Variants in FGF11 observed in about 807,000 individuals in gnomAD.
The protein encoded by FGF11 is fibroblast growth factor 11, also known as fibroblast growth factor homologous factor 3.
In FGF11, 25 loss-of-function variants were observed where a neutral mutation model predicts 25.1. That is an observed-to-expected ratio of 1.00 (90% CI 0.73 to 1.39). The LOEUF is 1.39. FGF11 is among the 40% of genes most tolerant of loss of function. The pLI is 0.00. For synonymous variants in FGF11, 130 were observed against 128.9 expected (o/e 1.01, Z -0.06); for missense variants, 320 against 311.0 (o/e 1.03, Z -0.22).
intron 3 of FGF11, 96 bp from the exon 4 acceptor site, chr17:7,442,498 A>G (rs1346339968): frequency 1.8e-6 from 2 of 1,137,754 alleles, no homozygotes; most frequent in African/African-American, 3.5e-5. Flanking sequence ...CCTCCCCCAA[A>G]AAGGATTTGT....
At chr17:7,441,114 C>T (rs1908303732) in intron 1 of FGF11, 1 of 312,190 alleles carries the variant, frequency 3.2e-6, no homozygotes, top group Admixed American at 4.6e-5. Context: ...CACGCTGCCC[C>T]TTCAGTACCC....
rs925000395 is a variant in FGF11, at chr17:7,440,090, C to T, written c.193+277C>T. 1.7e-5 allele frequency: 6 copies of T among 359,266 alleles called. No homozygotes were observed. The highest frequency in any genetic ancestry group is 1.3e-4 in the African/African-American group (6 of 47,640). 22.3% of individuals were successfully genotyped at this position (359,266 alleles called of 1,614,324 possible). On this transcript the variant is annotated intron_variant, in intron 1 of 4. Coordinates refer to ENST00000293829, the MANE Select transcript of FGF11 (RefSeq NM_004112.4). The surrounding 1 kb of genome is among the most constrained non-coding windows in gnomAD (Gnocchi z 5.4). ...TCCTGCTCGTCCCCCCTTCCCAACA[C>T]AGCAGTCCCCACCCCCATCGTCCTC...
Position 7,439,801 on chromosome 17 carries a change from G to A in FGF11, c.181G>A (p.Asp61Asn), listed in dbSNP as rs1908230088. ...RLCGGRPARP[D>N]RGPEPQLKGI... ...GTGCGGGGGGCGGCCCGCGCGGCCG[G>A]ACCGCGGCCCGGGTGAGTGCGGCTG... Residue 61 changes from aspartate (D) to asparagine (N), a missense_variant, in exon 1 of 5, where the codon GAC becomes AAC. Transcript: ENST00000293829. 6.9e-7 allele frequency: 1 copy of A among 1,444,674 alleles called. No individual in the cohort carries two copies. Among genetic ancestry groups the A allele is most frequent in the Non-Finnish European group, 9.0e-7 (1 of 1,105,812 alleles). The allele number at this position is 1,444,674 out of a possible 1,614,324, so 89.5% of individuals were successfully genotyped here.
At position 7,441,818 on chromosome 17, in the gene FGF11, T is replaced by A. The variant is rs201620905; in HGVS notation, c.347T>A (p.Ile116Asn). 8.1e-6 allele frequency: 13 copies of A among 1,612,730 alleles called. 1 individual carries two copies. The East Asian group carries it at 2.9e-4, about 36-fold the overall frequency. ...LIPVGLRVVTIQSAKLGHYMA... is the reference protein window; with the variant it reads ...LIPVGLRVVTNQSAKLGHYMA... ...CCTGTGGGCCTCCGTGTGGTCACCA[T>A]CCAGAGCGCCAAGCTGGGTCACTAC... The change falls in exon 3 of 5, where the codon ATC becomes AAC. Residue 116 changes from isoleucine to asparagine, a missense_variant. Transcript: ENST00000293829.
intron 3 of FGF11, 171 bp from the exon 4 acceptor site, chr17:7,442,423 C>T (rs1908370552): frequency 2.1e-6 from 3 of 1,451,682 alleles, no homozygotes; most frequent in South Asian, 2.8e-5. Flanking sequence ...GTTCTTAGCC[C>T]TCAGCCCTCT....
chr17:7,440,590 T>G lies in FGF11; in HGVS notation c.193+777T>G, dbSNP rs1250898801. 4.4e-4 allele frequency: 389 copies of G among 880,530 alleles called. No homozygotes were observed. Among genetic ancestry groups the G allele is most frequent in the Middle Eastern group, 5.8e-4 (1 of 1,726 alleles). 54.5% of individuals were successfully genotyped at this position (880,530 alleles called of 1,614,324 possible). On this transcript the variant is annotated intron_variant, in intron 1 of 4. Coordinates refer to ENST00000293829, the MANE Select transcript of FGF11 (RefSeq NM_004112.4). This position sits in a 1 kb window ranked among gnomAD's most constrained non-coding sequence, Gnocchi z 5.4. ...AGCAAGCGATGGGGGAGGAGAGTTG[T>G]GAGAGTTAGAATTGGTCCCCGTCCA... is the stretch of plus-strand genomic sequence containing the variant.
In FGF11 at chr17:7,440,029, T is replaced by C. The variant is rs1027030601; in HGVS notation, c.193+216T>C. On this transcript the variant is annotated intron_variant, in intron 1 of 4. Transcript: ENST00000293829. This position sits in a 1 kb window ranked among gnomAD's most constrained non-coding sequence, Gnocchi z 5.4. ...TTATTTTCGAGGTCAAGGGGAAGGC[T>C]TGAGGGGCTGCCTGGCGCCCCGAAA... The C allele has an allele frequency of 3.4e-5, 14 of 413,126 alleles. No individual in the cohort carries two copies. The highest frequency in any genetic ancestry group is 5.9e-5 in the Non-Finnish European group (14 of 237,570). The allele number at this position is 413,126 out of a possible 1,614,324, so 25.6% of individuals were successfully genotyped here.
Position 7,440,691 on chromosome 17 carries a change from C to T in FGF11, c.194-780C>T. The T allele has an allele frequency of 1.0e-6, 1 of 985,942 alleles. No homozygotes were observed. Among genetic ancestry groups the T allele is most frequent in the Non-Finnish European group, 1.2e-6 (1 of 830,392 alleles). 61.1% of individuals were successfully genotyped at this position (985,942 alleles called of 1,614,324 possible). A position where few individuals can be genotyped will look rare whatever the true frequency, so the allele number is the denominator to read the frequency against. ...TCCCCTAAGGGTAGCCACCTCGCGC[C>T]CTCCTCCCCGCGCCACCGGCTGCCC... On this transcript the variant is annotated intron_variant, in intron 1 of 4. Transcript: ENST00000293829. The surrounding 1 kb of genome is among the most constrained non-coding windows in gnomAD (Gnocchi z 5.4).
chr17:7,443,238 C>A lies in FGF11; in HGVS notation c.*92C>A. On this transcript the variant is annotated 3_prime_UTR_variant, in exon 5 of 5. Coordinates refer to ENST00000293829, the MANE Select transcript of FGF11 (RefSeq NM_004112.4). ...CCAGTCCTGCTCTCACCCCTGCTGCCACACACATGCCCTGAGCAGCCAGGT... is the reference window on the plus strand; with the variant it reads ...CCAGTCCTGCTCTCACCCCTGCTGCAACACACATGCCCTGAGCAGCCAGGT... 2 of 808,680 alleles carry A rather than the reference C, an allele frequency of 2.5e-6. No homozygotes were observed. Among genetic ancestry groups the A allele is most frequent in the South Asian group, 1.6e-5 (1 of 61,208 alleles). 50.1% of individuals were successfully genotyped at this position (808,680 alleles called of 1,614,324 possible). A position where few individuals can be genotyped will look rare whatever the true frequency, so the allele number is the denominator to read the frequency against.
At chr17:7,438,665 G>C (rs1024359547), upstream of FGF11, 1 of 152,406 alleles carries the variant, frequency 6.6e-6, no homozygotes, top group African/African-American at 2.4e-5. Flanking sequence ...TGGTGACAAC[G>C]TGGGTGCACT....
In FGF11 at chr17:7,443,139, C is replaced by T. The variant is rs758586117; in HGVS notation, c.671C>T (p.Ala224Val). 1 of 1,596,942 alleles carries T rather than the reference C, an allele frequency of 6.3e-7. No homozygotes were observed. Among genetic ancestry groups the T allele is most frequent in the South Asian group, 1.1e-5 (1 of 90,342 alleles). ...VPEASPSSPP[A>V]P ...GAGGCCTCCCCTTCCAGTCCCCCTG[C>T]CCCCTGAAATGTAGTCCCTGGACTG... Residue 224 changes from alanine (A) to valine (V), a missense_variant, in exon 5 of 5, where the codon GCC becomes GTC. Physicochemically the swap from Ala to Val is moderately conservative, Grantham distance 64. Coordinates refer to ENST00000293829, the MANE Select transcript of FGF11 (RefSeq NM_004112.4).
rs1201698087 is a variant in FGF11 at position 7,441,416 on chromosome 17, G to A, written c.194-55G>A. On this transcript the variant is annotated intron_variant, in intron 1 of 4. Transcript: ENST00000293829. ...TTCCCTCTAATCCTGCCAAGTGTAG[G>A]AATGTTTCTGGGAACGGAGATGTCA... 3.7e-6 allele frequency: 6 copies of A among 1,608,648 alleles called. No individual in the cohort carries two copies. The African/African-American group carries it at 6.7e-5, about 18-fold the overall frequency.
Position 7,444,065 on chromosome 17 carries a change from A to T in FGF11, c.*919A>T, listed in dbSNP as rs3764433. The T allele has an allele frequency of 6.6e-6, 1 of 152,206 alleles. No individual in the cohort carries two copies. The highest frequency in any genetic ancestry group is 1.5e-5 in the Non-Finnish European group (1 of 68,052). The allele number at this position is 152,206 out of a possible 1,614,324, so 9.4% of individuals were successfully genotyped here. ...AAAGACCCAGCTATGATTCATAAAA[A>T]CACTTCTGGATGAATCAAGAACCAT... On this transcript the variant is annotated 3_prime_UTR_variant, in exon 5 of 5. Coordinates refer to ENST00000293829, the MANE Select transcript of FGF11 (RefSeq NM_004112.4).
intron 3 of FGF11, chr17:7,442,102 G>T: frequency 2.1e-6 from 1 of 477,930 alleles, no homozygotes; most frequent in Non-Finnish European, 3.7e-6. Context: ...CAGGTTCTTT[G>T]AATGTCCAAC....
chr17:7,439,682 G>T lies in FGF11; in HGVS notation c.62G>T (p.Ser21Ile). ...QKREVREPGG[S>I]RPVSAQRRVC... is the part of the protein sequence containing the mutation. The stretch of plus-strand genomic sequence containing the variant: ...CGGGAGGTCCGCGAGCCCGGGGGCA[G>T]CCGGCCGGTGTCGGCGCAGCGGCGC... Residue 21 changes from serine to isoleucine, a missense_variant, in exon 1 of 5, where the codon AGC becomes ATC. Physicochemically the swap from Ser to Ile is moderately radical, Grantham distance 142. Transcript: ENST00000293829. The T allele has an allele frequency of 1.3e-6, 2 of 1,544,194 alleles. No individual in the cohort carries two copies.
Position 7,441,493 on chromosome 17 carries a change from C to A in FGF11, c.216C>A (p.Val72=). The change falls in exon 2 of 5, where the codon GTC becomes GTA. Residue 72 remains valine, a synonymous_variant. Coordinates refer to ENST00000293829, the MANE Select transcript of FGF11 (RefSeq NM_004112.4). ...CAGAGCCTCAGCTCAAAGGCATCGT[C>A]ACCAAACTGTTCTGCCGCCAGGGTT... is the stretch of plus-strand genomic sequence containing the variant. The part of the protein sequence containing the change: ...RGPEPQLKGI[V]TKLFCRQGFY... The A allele has an allele frequency of 6.2e-7, 1 of 1,614,142 alleles. No individual in the cohort carries two copies. Among genetic ancestry groups the A allele is most frequent in the African/African-American group, 1.3e-5 (1 of 75,028 alleles).
chr17:7,441,929 T>C, intron 3 of FGF11, 50 bp downstream of exon 3: 1 of 1,364,580 alleles, frequency 7.3e-7, no homozygotes, highest in Non-Finnish European at 1.0e-6. Context: ...CTCCCCTTCC[T>C]CAATTTGTCC....
chr17:7,439,183 C>A, upstream of FGF11: 1 of 156,576 alleles, frequency 6.4e-6, no homozygotes, highest in Non-Finnish European at 1.4e-5. Flanking sequence ...GCTAAAGTCC[C>A]ACACCCTGTA....
In FGF11 at chr17:7,443,074, A is replaced by G. The variant is rs1354774770; in HGVS notation, c.608-2A>G. On this transcript the variant is annotated splice_acceptor_variant, in intron 4 of 4. Transcript: ENST00000293829. LOFTEE classifies it high-confidence loss of function. ...CTGCTCCTCTCTTTCTCCCCTTCAC[A>G]GTGGCCATGTACCAGGAGCCTTCTC... The G allele has an allele frequency of 1.2e-6, 2 of 1,610,606 alleles. No individual in the cohort carries two copies. Among genetic ancestry groups the G allele is most frequent in the Admixed American group, 1.7e-5 (1 of 59,896 alleles).
Sources: allele counts gnomAD v4.1 joint callset, GRCh38; gene constraint gnomAD v4.1.1; non-coding constraint Gnocchi (gnomAD v3.1); transcripts MANE v1.5; gene names NCBI Gene and HGNC (gene_info 2026-07-23, HGNC 2026-07-21).